MAST2: variants seen among roughly 807,000 people sequenced by gnomAD.
MAST2 encodes the protein microtubule-associated serine/threonine-protein kinase 2.
MAST2 carries 70 observed loss-of-function variants against 147.4 expected under a neutral mutation model. That is an observed-to-expected ratio of 0.47 (90% CI 0.39 to 0.58). The LOEUF (loss-of-function observed/expected upper bound fraction) is 0.58, where lower values mean the gene tolerates loss of function less well. Among genes scored for constraint, MAST2 ranks in the 20% least tolerant of loss-of-function variants. The pLI is 0.00. For synonymous variants in MAST2, 869 were observed against 896.8 expected, an observed-to-expected ratio of 0.97 and a Z score of 0.55; for missense variants, 2,080 against 2,302.3, an observed-to-expected ratio of 0.90 and a Z score of 1.98.
At chr1:45,968,414 C>A (rs1236914612) in intron 5 of MAST2, among the ~76,000 whole-genome samples, 1 of 135,808 alleles carries the variant, frequency 7.4e-6, no homozygotes, top group African/African-American at 2.7e-5. Flanking sequence ...ATCTTTATTT[C>A]TTCTTCACCT....
chr1:45,823,337 CTTTT>C (rs58220954), intron 1 of MAST2, among the ~76,000 whole-genome samples: 14 of 133,756 alleles, frequency 1.0e-4, no homozygotes, highest in Admixed American at 2.2e-4. Flanking sequence ...CAGTTATTCT[CTTTT>C]TTTTTTTTTT....
intron 3 of MAST2, among the ~76,000 whole-genome samples, chr1:45,850,897 G>A (rs1645605108): frequency 1.4e-5 from 2 of 138,078 alleles, no homozygotes; most frequent in African/African-American, 5.4e-5. Flanking sequence ...GCTGGGTAAT[G>A]TAATCCCTGC....
intron 5 of MAST2, among the ~76,000 whole-genome samples, chr1:45,988,828 GTTGGTT>G (rs1428800828): frequency 2.0e-5 from 3 of 150,466 alleles, no homozygotes; most frequent in Non-Finnish European, 3.0e-5. Context: ...TTTTTGTTTG[GTTGGTT>G]TTGGTTTTGG....
In MAST2 at chr1:46,031,377, A is replaced by G; in HGVS notation, c.2993-14A>G. ...AGCGGCATCGCGGGTCTCACTGCTT[A>G]CTTGGGCCTACAGCTATGGAGACCC... On this transcript the variant is annotated splice_polypyrimidine_tract_variant and intron_variant, in intron 23 of 28. Coordinates refer to ENST00000361297, the MANE Select transcript of MAST2 (RefSeq NM_015112.3). The surrounding 1 kb of genome is among the most constrained non-coding windows in gnomAD (Gnocchi z 4.1). 3 of 1,602,890 alleles carry G rather than the reference A, an allele frequency of 1.9e-6. No homozygotes were observed. The highest frequency in any genetic ancestry group is 2.6e-6 in the Non-Finnish European group (3 of 1,172,156).
At chr1:45,880,198 C>T (rs1048860542) in intron 3 of MAST2, among the ~76,000 whole-genome samples, 2 of 152,026 alleles carry the variant, frequency 1.3e-5, no homozygotes, top group Non-Finnish European at 2.9e-5. Flanking sequence ...ATTGGAGAAA[C>T]GATAAATTAA....
intron 1 of MAST2, among the ~76,000 whole-genome samples, chr1:45,811,189 G>A (rs1309662215): frequency 7.1e-6 from 1 of 141,590 alleles, no homozygotes; most frequent in African/African-American, 2.7e-5. Context: ...TTTTTGAGAC[G>A]AAGTCTCGCT....
intron 12 of MAST2, among the ~76,000 whole-genome samples, chr1:46,022,496 G>A (rs1353666536): frequency 6.6e-6 from 1 of 152,158 alleles, no homozygotes; most frequent in Non-Finnish European, 1.5e-5. Flanking sequence ...TGGGCTTCCT[G>A]CTGAACCCCT....
chr1:46,032,728 G>T lies in MAST2; in HGVS notation c.3537+10G>T, dbSNP rs906608351. The T allele has an allele frequency of 6.2e-7, 1 of 1,609,970 alleles. No individual in the cohort carries two copies. The highest frequency in any genetic ancestry group is 8.5e-7 in the Non-Finnish European group (1 of 1,177,474). On this transcript the variant is annotated intron_variant, in intron 26 of 28. Transcript: ENST00000361297. ...AGAGCTGATCCTGAAGGTTAGTGCT[G>T]GGCGTGCTGCCTGCATGGTCCCTGA...
intron 4 of MAST2, among the ~76,000 whole-genome samples, chr1:45,953,349 G>A (rs7522601): frequency 0.45 from 67,846 of 151,942 alleles, 15,329 homozygotes; most frequent in East Asian, 0.63. Context: ...GGGGAATTCT[G>A]ACTACCTGCT....
At chr1:45,880,966 C>CAAAAAAAA (rs10660375) in intron 3 of MAST2, among the ~76,000 whole-genome samples, 6 of 89,778 alleles carry the variant, frequency 6.7e-5, no homozygotes, top group African/African-American at 1.2e-4. Context: ...GACTCCATCT[C>CAAAAAAAA]AAAAAAAAAA....
chr1:45,999,630 T>C (rs1645192968), intron 6 of MAST2, among the ~76,000 whole-genome samples: 1 of 152,230 alleles, frequency 6.6e-6, no homozygotes, highest in Non-Finnish European at 1.5e-5. Flanking sequence ...AGAGTCTGTG[T>C]ACTGGTTGTT....
chr1:45,828,768 C>T (rs894606311), intron 2 of MAST2, among the ~76,000 whole-genome samples: 5 of 152,206 alleles, frequency 3.3e-5, no homozygotes, highest in South Asian at 2.1e-4. Context: ...ACTAAAAATA[C>T]AAAACATGAG....
Position 46,034,889 on chromosome 1 carries a change from C to G in MAST2, c.4220C>G (p.Ser1407Trp). ...TCACCACTACTCAAGAGGGTGCAGT[C>G]GGCTGAGAAACTGGCAGCAGCACTT... ...PRSPLLKRVQSAEKLAAALAA... is the reference protein window; with the variant it reads ...PRSPLLKRVQWAEKLAAALAA... The change falls in exon 29 of 29, where the codon TCG (serine) becomes TGG (tryptophan). Residue 1407 changes from serine to tryptophan, a missense_variant. Ser to Trp is a radical substitution (Grantham distance 177, BLOSUM62 -3). Coordinates refer to ENST00000361297, the MANE Select transcript of MAST2 (RefSeq NM_015112.3). 6.2e-7 allele frequency: 1 copy of G among 1,614,202 alleles called. No homozygotes were observed. The highest frequency in any genetic ancestry group is 8.5e-7 in the Non-Finnish European group (1 of 1,180,048).
At chr1:45,818,214 A>G (rs1433549426) in intron 1 of MAST2, among the ~76,000 whole-genome samples, 1 of 152,156 alleles carries the variant, frequency 6.6e-6, no homozygotes. Flanking sequence ...GGTGCATCTC[A>G]TTAAGATTGC....
intron 7 of MAST2, among the ~76,000 whole-genome samples, chr1:46,005,665 A>G (rs1645456063): frequency 6.6e-6 from 1 of 152,162 alleles, no homozygotes; most frequent in African/African-American, 2.4e-5. Context: ...TCCAGATGTA[A>G]AAGTAATTTT....
intron 1 of MAST2, among the ~76,000 whole-genome samples, chr1:45,813,231 C>A (rs780347952): frequency 2.6e-5 from 4 of 151,966 alleles, no homozygotes; most frequent in Non-Finnish European, 4.4e-5. Flanking sequence ...TGGAACTATT[C>A]ATTTTCTTTT....
chr1:45,949,407 GA>G (rs1456223050), intron 4 of MAST2, among the ~76,000 whole-genome samples: 1 of 152,062 alleles, frequency 6.6e-6, no homozygotes, highest in Non-Finnish European at 1.5e-5. Flanking sequence ...GTGGGCAAAG[GA>G]CGTGAACAGA....
At chr1:45,930,492 C>A (rs896064949) in intron 4 of MAST2, among the ~76,000 whole-genome samples, 1 of 151,892 alleles carries the variant, frequency 6.6e-6, no homozygotes, top group Non-Finnish European at 1.5e-5. Flanking sequence ...TTCATTCATT[C>A]ATTCATTCAT....
intron 3 of MAST2, among the ~76,000 whole-genome samples, chr1:45,832,145 A>G (rs895961963): frequency 2.6e-5 from 4 of 152,186 alleles, no homozygotes; most frequent in African/African-American, 7.2e-5. Context: ...CTTGGTCCCA[A>G]CATGTCTATT....
Sources: gnomAD v4.1 joint callset for allele counts (sites outside exome capture counted in the v4.1 genomes callset) on GRCh38, gnomAD v4.1.1 for gene constraint, Gnocchi (gnomAD v3.1) non-coding constraint, MANE v1.5 for transcripts, NCBI Gene and HGNC (gene_info 2026-07-23, HGNC 2026-07-21) for gene names.